STPG2: variants seen among roughly 807,000 people sequenced by gnomAD.
STPG2 encodes the protein sperm tail PG-rich repeat containing 2, also known as sperm-tail PG-rich repeat-containing protein 2.
In STPG2, 56 loss-of-function variants were observed where a neutral mutation model predicts 54.2. The observed-to-expected ratio is 1.03, with a 90% CI of 0.83 to 1.29. STPG2 has a LOEUF of 1.29. Among genes scored for constraint, STPG2 ranks in the 50% most tolerant of loss-of-function variants. STPG2 has a pLI of 0.00. For missense variants in STPG2, 596 were observed against 544.9 expected (o/e 1.09, Z -0.93); for synonymous variants, 200 against 181.8 (o/e 1.10, Z -0.81).
intron 7 of STPG2, among the ~76,000 whole-genome samples, chr4:97,965,993 A>G (rs1392036714): frequency 6.6e-6 from 1 of 152,194 alleles, no homozygotes; most frequent in Non-Finnish European, 1.5e-5. Flanking sequence ...AACAGCAACA[A>G]AACAAAGCTG....
intron 9 of STPG2, among the ~76,000 whole-genome samples, chr4:97,742,599 A>T (rs1725295016): frequency 6.7e-6 from 1 of 149,274 alleles, no homozygotes; most frequent in Non-Finnish European, 1.5e-5. Context: ...CAGGTCTTTA[A>T]AAAGATCTTA....
At chr4:97,828,391 C>G (rs1033287344) in intron 9 of STPG2, among the ~76,000 whole-genome samples, 4 of 152,174 alleles carry the variant, frequency 2.6e-5, no homozygotes, top group African/African-American at 9.7e-5. Flanking sequence ...CTTCGCAACC[C>G]GCAGACCAGG....
intron 10 of STPG2, among the ~76,000 whole-genome samples, chr4:97,611,106 G>A (rs1255714979): frequency 6.6e-6 from 1 of 151,758 alleles, no homozygotes; most frequent in Non-Finnish European, 1.5e-5. Context: ...GCCTTCACAA[G>A]GCTTTTATCA....
At chr4:97,748,205 A>G (rs1412551947) in intron 9 of STPG2, among the ~76,000 whole-genome samples, 1 of 151,508 alleles carries the variant, frequency 6.6e-6, no homozygotes, top group Non-Finnish European at 1.5e-5. Flanking sequence ...TGAAACTGGA[A>G]GCACAAACTT....
At chr4:98,000,868 A>G (rs1405865782) in intron 5 of STPG2, among the ~76,000 whole-genome samples, 2 of 152,142 alleles carry the variant, frequency 1.3e-5, no homozygotes, top group Non-Finnish European at 2.9e-5. Context: ...AGCTGACTAT[A>G]TGTTCAGTAA....
chr4:98,095,121 A>G (rs1738812667), intron 5 of STPG2, among the ~76,000 whole-genome samples: 1 of 152,180 alleles, frequency 6.6e-6, no homozygotes, highest in Admixed American at 6.5e-5. Context: ...GTTTAAAATA[A>G]TGGGTTACAA....
chr4:98,141,534 C>G (rs1263304742), intron 1 of STPG2, among the ~76,000 whole-genome samples: 1 of 152,302 alleles, frequency 6.6e-6, no homozygotes, highest in South Asian at 2.1e-4. Flanking sequence ...AACCAATTGT[C>G]AACCAGAAAA....
chr4:98,141,942 G>GGAAAAAA (rs1553945981), intron 1 of STPG2, among the ~76,000 whole-genome samples: 2 of 96,892 alleles, frequency 2.1e-5, no homozygotes, highest in African/African-American at 8.1e-5. Context: ...CAGTAGTTGG[G>GGAAAAAA]AAAAAAAAAA....
chr4:97,849,695 G>A lies in STPG2; in HGVS notation c.1045-8763C>T, dbSNP rs529753553. On this transcript the variant is annotated intron_variant, in intron 8 of 10. Coordinates refer to ENST00000295268, the MANE Select transcript of STPG2 (RefSeq NM_174952.3). ...ATGCTCATCATCACTGGCCATCAGAGAAATGCAAATCAAAACCACTATGAG... is the reference window on the plus strand; with the variant it reads ...ATGCTCATCATCACTGGCCATCAGAAAAATGCAAATCAAAACCACTATGAG... Among the ~76,000 whole-genome samples the A allele has an allele frequency of 2.6e-4, 39 of 152,108 alleles. No homozygotes were observed. The South Asian group carries it at 7.9e-3, about 31-fold the overall frequency.
rs1729713216 is a variant in STPG2, at chr4:97,463,366, T to G, written c.462+249333A>C. Among the ~76,000 whole-genome samples, 4 of 152,186 alleles carry G rather than the reference T, an allele frequency of 2.6e-5. No individual in the cohort carries two copies. The South Asian group carries it at 6.2e-4, about 24-fold the overall frequency. On this transcript the variant is annotated intron_variant, in intron 4 of 4. Coordinates refer to the STPG2 transcript ENST00000522676. The stretch of plus-strand genomic sequence containing the variant: ...CATTTTATTTAGGTATACCTTTAGG[T>G]TTATAGAAAAGTAGTAGAAAGGATA...
chr4:97,926,643 T>C (rs909925813), intron 8 of STPG2, among the ~76,000 whole-genome samples: 1 of 152,150 alleles, frequency 6.6e-6, no homozygotes, highest in Non-Finnish European at 1.5e-5. Flanking sequence ...GAAATTCTAA[T>C]CCTCTGCAAG....
At chr4:97,682,170 C>T (rs570342297) in intron 10 of STPG2, among the ~76,000 whole-genome samples, 103 of 151,692 alleles carry the variant, frequency 6.8e-4, no homozygotes, top group Middle Eastern at 6.8e-3. Context: ...AAACTCTCTA[C>T]TAGGCATACA....
chr4:98,113,063 GA>G lies in STPG2; in HGVS notation c.388-3759del, dbSNP rs761426772. ...TGTTTCATTAAAATATTGGCTAAAA[GA>G]AAAAAAAAAACCTGCACTACTTTTG... On this transcript the variant is annotated intron_variant, in intron 3 of 10. Transcript: ENST00000295268. 2.1e-3 allele frequency among the ~76,000 whole-genome samples: 297 copies of G among 140,400 alleles called. 1 individual carries two copies. Among genetic ancestry groups the G allele is most frequent in the Non-Finnish European group, 2.6e-3 (164 of 64,144 alleles). The allele number at this position is 140,400 out of a possible 152,430, so 92.1% of individuals were successfully genotyped here. A position where few individuals can be genotyped will look rare whatever the true frequency, so the allele number is the denominator to read the frequency against.
intron 9 of STPG2, among the ~76,000 whole-genome samples, chr4:97,790,904 A>G (rs967663114): frequency 6.6e-6 from 1 of 152,172 alleles, no homozygotes; most frequent in African/African-American, 2.4e-5. Flanking sequence ...ATGAACATGG[A>G]GGTTGAGGGG....
At chr4:97,819,875 A>G (rs1035455294) in intron 9 of STPG2, among the ~76,000 whole-genome samples, 6 of 152,176 alleles carry the variant, frequency 3.9e-5, no homozygotes, top group Non-Finnish European at 8.8e-5. Flanking sequence ...ACTTTTTAGT[A>G]AGCCTAAGGC....
intron 5 of STPG2, among the ~76,000 whole-genome samples, chr4:98,048,137 T>G (rs1056818780): frequency 6.6e-6 from 1 of 152,106 alleles, no homozygotes; most frequent in Admixed American, 6.5e-5. Context: ...TCCTGGGGAA[T>G]GTACAGACCA....
chr4:98,120,708 C>T (rs1739653907), intron 3 of STPG2, among the ~76,000 whole-genome samples: 1 of 152,158 alleles, frequency 6.6e-6, no homozygotes. Flanking sequence ...CAAATATCTT[C>T]TTTTGAGGAG....
intron 4 of STPG2, among the ~76,000 whole-genome samples, chr4:97,508,509 A>G (rs576746125): frequency 6.6e-6 from 1 of 152,220 alleles, no homozygotes; most frequent in African/African-American, 2.4e-5. Flanking sequence ...ATATATGTAC[A>G]GGTAAAAAAA....
intron 5 of STPG2, among the ~76,000 whole-genome samples, chr4:98,087,850 G>A (rs1295111317): frequency 1.3e-5 from 2 of 152,126 alleles, no homozygotes; most frequent in East Asian, 1.9e-4. Context: ...GTGAGCCACC[G>A]TGCCCGGCCT....
Sources: allele counts gnomAD v4.1 joint callset (sites outside exome capture counted in the v4.1 genomes callset), GRCh38; gene constraint gnomAD v4.1.1; transcripts MANE v1.5; gene names NCBI Gene and HGNC (gene_info 2026-07-23, HGNC 2026-07-21).